FAM163A: variants seen among roughly 807,000 people sequenced by gnomAD.
FAM163A encodes protein FAM163A.
In FAM163A, 7 loss-of-function variants were observed where a neutral mutation model predicts 12.0. The ratio of observed to expected loss-of-function variants is 0.58; its 90% CI spans 0.33 to 1.10. The LOEUF is 1.10. Among genes scored for constraint, FAM163A ranks in the 50% least tolerant of loss-of-function variants. The pLI, the probability that FAM163A is intolerant of heterozygous loss-of-function variation, is 0.03. For missense variants in FAM163A, 202 were observed against 218.6 expected (o/e 0.92, Z 0.48); for synonymous variants, 101 against 91.0 (o/e 1.11, Z -0.62).
At chr1:179,779,058 T>G (rs1689370390) in intron 1 of FAM163A, among the ~76,000 whole-genome samples, 1 of 152,232 alleles carries the variant, frequency 6.6e-6, no homozygotes, top group African/African-American at 2.4e-5. Context: ...TTTTAGAAAG[T>G]TACTACAAAA....
intron 3 of FAM163A, among the ~76,000 whole-genome samples, chr1:179,812,554 A>G (rs570931595): frequency 6.6e-6 from 1 of 152,344 alleles, no homozygotes; most frequent in Admixed American, 6.5e-5. Flanking sequence ...GGTGTGTGCC[A>G]AGAGGGCGGG....
chr1:179,734,455 T>C, the FAM163A span, among the ~76,000 whole-genome samples: 1 of 152,330 alleles, frequency 6.6e-6, no homozygotes, highest in Non-Finnish European at 1.5e-5. Flanking sequence ...GCCATAATAA[T>C]ACCAATCAAT....
intron 1 of FAM163A, among the ~76,000 whole-genome samples, chr1:179,768,688 C>G (rs1366550761): frequency 6.6e-6 from 1 of 152,078 alleles, no homozygotes; most frequent in Non-Finnish European, 1.5e-5. Context: ...TCACTGCAAC[C>G]TCAACCTCCT....
intron 1 of FAM163A, among the ~76,000 whole-genome samples, chr1:179,774,978 A>G (rs1333303980): frequency 1.3e-5 from 2 of 152,190 alleles, no homozygotes; most frequent in Non-Finnish European, 1.5e-5. Flanking sequence ...GACAAAACGC[A>G]CGGCAAAGCA....
chr1:179,772,039 C>T (rs1162971394), intron 1 of FAM163A, among the ~76,000 whole-genome samples: 2 of 152,152 alleles, frequency 1.3e-5, no homozygotes, highest in Non-Finnish European at 2.9e-5. Context: ...TGGCAGCTCC[C>T]AGGTCACAGT....
intron 1 of FAM163A, among the ~76,000 whole-genome samples, chr1:179,768,820 G>A (rs1293164822): frequency 6.6e-6 from 1 of 152,024 alleles, no homozygotes; most frequent in East Asian, 1.9e-4. Flanking sequence ...TGGCCAGGAT[G>A]GTCTCGATCT....
intron 1 of FAM163A, among the ~76,000 whole-genome samples, chr1:179,773,971 C>A (rs950131526): frequency 6.6e-6 from 1 of 152,236 alleles, no homozygotes; most frequent in Admixed American, 6.5e-5. Context: ...TTGAGACCTG[C>A]AGGTTGCTGT....
At chr1:179,750,326 A>G (rs1000881893) in intron 1 of FAM163A, among the ~76,000 whole-genome samples, 2 of 152,234 alleles carry the variant, frequency 1.3e-5, no homozygotes, top group African/African-American at 4.8e-5. Flanking sequence ...ACAAATATAA[A>G]GTAACACTGT....
At chr1:179,802,019 G>C (rs1253602187) in intron 1 of FAM163A, among the ~76,000 whole-genome samples, 4 of 152,200 alleles carry the variant, frequency 2.6e-5, no homozygotes, top group African/African-American at 9.6e-5. Context: ...ATCCTGGAAG[G>C]CTCCCTGGGG....
intron 1 of FAM163A, chr1:179,803,956 C>T (rs1693563520): frequency 6.8e-6 from 1 of 147,062 alleles, no homozygotes; most frequent in South Asian, 2.1e-4. Context: ...CCCCCTCCTC[C>T]TGCCCCCTGG....
rs371534349 is a variant in FAM163A, at chr1:179,764,296, T to C, written c.-136+20873T>C. Among the ~76,000 whole-genome samples the C allele has an allele frequency of 3.3e-5, 5 of 152,272 alleles. No homozygotes were observed. The East Asian group carries it at 9.6e-4, about 29-fold the overall frequency. On this transcript the variant is annotated intron_variant, in intron 1 of 4. Coordinates refer to ENST00000341785, the MANE Select transcript of FAM163A (RefSeq NM_173509.3). ...CAGGCTCTGGTTTATTCTCATGACA[T>C]CTGGGCAGAAGGGGCGGGAACGACG...
rs537878621 is a variant in FAM163A at position 179,745,341 on chromosome 1, T to C, written c.-136+1918T>C. On this transcript the variant is annotated intron_variant, in intron 1 of 4. Coordinates refer to ENST00000341785, the MANE Select transcript of FAM163A (RefSeq NM_173509.3). ...TGTTTGGCCCAAGAATCTCTGTTTT[T>C]TCTCTAGCTTGCCGTCTGTAACTGG... 2.0e-5 allele frequency among the ~76,000 whole-genome samples: 3 copies of C among 152,292 alleles called. No individual in the cohort carries two copies. The South Asian group carries it at 6.2e-4, about 32-fold the overall frequency.
intron 1 of FAM163A, among the ~76,000 whole-genome samples, chr1:179,752,420 C>A (rs1685402946): frequency 6.9e-6 from 1 of 145,956 alleles, no homozygotes. Context: ...AATCACAGGC[C>A]ACAAAAGCAA....
intron 1 of FAM163A, among the ~76,000 whole-genome samples, chr1:179,747,947 AGGAGGG>A (rs979283060): frequency 6.7e-4 from 13 of 19,468 alleles, no homozygotes; most frequent in African/African-American, 1.6e-3. Flanking sequence ...GGAAAGGGGG[AGGAGGG>A]GGAGGGGGAG....
chr1:179,779,049 T>C (rs568770955), intron 1 of FAM163A, among the ~76,000 whole-genome samples: 1 of 152,274 alleles, frequency 6.6e-6, no homozygotes, highest in African/African-American at 2.4e-5. Flanking sequence ...CTAGTTATGT[T>C]TTAGAAAGTT....
intron 1 of FAM163A, among the ~76,000 whole-genome samples, chr1:179,746,780 C>T (rs1027381970): frequency 2.0e-5 from 3 of 152,094 alleles, no homozygotes; most frequent in Non-Finnish European, 2.9e-5. Flanking sequence ...CTTTTGGTTG[C>T]TTGAGAGGTT....
the FAM163A span, among the ~76,000 whole-genome samples, chr1:179,727,849 A>C: frequency 6.6e-6 from 1 of 152,236 alleles, no homozygotes; most frequent in Non-Finnish European, 1.5e-5. Flanking sequence ...AAACACAGTG[A>C]GTGGTGTCAA....
intron 3 of FAM163A, 60 bp from the exon 4 acceptor site, chr1:179,813,016 C>G (rs1451843043): frequency 2.0e-6 from 3 of 1,492,160 alleles, no homozygotes; most frequent in Non-Finnish European, 2.7e-6. Context: ...GAAGACTCCC[C>G]CCGGCCCAGC....
intron 1 of FAM163A, among the ~76,000 whole-genome samples, chr1:179,760,356 C>G (rs1284517397): frequency 6.6e-6 from 1 of 152,134 alleles, no homozygotes; most frequent in Non-Finnish European, 1.5e-5. Context: ...ATATTAGAGA[C>G]AGACACAAAT....
Sources: gnomAD v4.1 joint callset for allele counts (sites outside exome capture counted in the v4.1 genomes callset) on GRCh38, gnomAD v4.1.1 for gene constraint, MANE v1.5 for transcripts, NCBI Gene and HGNC (gene_info 2026-07-23, HGNC 2026-07-21) for gene names.